CD163L1: variants seen among roughly 807,000 people sequenced by gnomAD.
CD163L1 encodes scavenger receptor cysteine-rich type 1 protein M160.
In CD163L1, 124 loss-of-function variants were observed where a neutral mutation model predicts 165.4. The observed-to-expected ratio is 0.75, with a 90% CI of 0.65 to 0.87. The LOEUF is 0.87. CD163L1 is among the 40% of genes least tolerant of loss of function. The pLI is 0.00. For synonymous variants in CD163L1, 585 were observed against 662.2 expected, an observed-to-expected ratio of 0.88 and a Z score of 1.79; for missense variants, 1,525 against 1,799.9, an observed-to-expected ratio of 0.85 and a Z score of 2.76.
Position 7,368,255 on chromosome 12 carries a change from A to G in CD163L1, c.4073-58T>C, listed in dbSNP as rs1947064143. The G allele has an allele frequency of 1.0e-6, 1 of 959,234 alleles. No individual in the cohort carries two copies. Among genetic ancestry groups the G allele is most frequent in the African/African-American group, 1.7e-5 (1 of 59,810 alleles). 59.4% of individuals were successfully genotyped at this position (959,234 alleles called of 1,614,324 possible). A position where few individuals can be genotyped will look rare whatever the true frequency, so the allele number is the denominator to read the frequency against. ...ACTAGTAGATATCAATTGTGGGTTTATACATTGTAAAAAAAACTGGTTCCC... is the reference window on the plus strand; with the variant it reads ...ACTAGTAGATATCAATTGTGGGTTTGTACATTGTAAAAAAAACTGGTTCCC... On this transcript the variant is annotated intron_variant, in intron 16 of 19. Coordinates refer to ENST00000313599, the MANE Select transcript of CD163L1 (RefSeq NM_174941.6). This position sits in a 1 kb window ranked among gnomAD's most constrained non-coding sequence, Gnocchi z 4.3.
rs770351398 is a variant in CD163L1, at chr12:7,373,501, C to G, written c.3549G>C (p.Gln1183His). The G allele has an allele frequency of 3.7e-6, 6 of 1,614,224 alleles. No homozygotes were observed. The highest frequency in any genetic ancestry group is 5.1e-6 in the Non-Finnish European group (6 of 1,180,026). Reference sequence around the variant, plus strand: ...CAACTCCATTCTCCCCACAGCCCAGCTGCCTGCACACAATGCCTGCTATGG... The same window carrying G: ...CAACTCCATTCTCCCCACAGCCCAGGTGCCTGCACACAATGCCTGCTATGG... ...TTAIAGIVCR[Q>H]LGCGENGVVS... The change falls in exon 14 of 20, where the codon CAG (glutamine) becomes CAC (histidine). Residue 1183 changes from glutamine to histidine, a missense_variant. By Grantham distance (24) the Gln-to-His change is conservative (BLOSUM62 0). Coordinates refer to ENST00000313599, the MANE Select transcript of CD163L1 (RefSeq NM_174941.6).
At chr12:7,320,588 T>C in the CD163L1 span, 6 of 648,354 alleles carry the variant, frequency 9.3e-6, no homozygotes, top group Non-Finnish European at 1.6e-5. Context: ...AAGTAATAAA[T>C]ATTGTTTTCT....
chr12:7,396,151 C>G lies in CD163L1; in HGVS notation c.1994G>C (p.Ser665Thr). Residue 665 changes from serine (S) to threonine (T), a missense_variant, in exon 8 of 20, where the codon AGT becomes ACT. Ser to Thr is a moderately conservative substitution (Grantham distance 58). Coordinates refer to ENST00000313599, the MANE Select transcript of CD163L1 (RefSeq NM_174941.6). ...DESDLWSCRN[S>T]GWGNNDCSHS... is the part of the protein sequence containing the mutation. ...ACTGCAGTCATTATTTCCCCACCCA[C>G]TGTTCCTGCATGACCAGAGATCTGA... is the stretch of plus-strand genomic sequence containing the variant. 1 of 1,614,184 alleles carries G rather than the reference C, an allele frequency of 6.2e-7. No homozygotes were observed. Among genetic ancestry groups the G allele is most frequent in the South Asian group, 1.1e-5 (1 of 91,090 alleles).
At chr12:7,355,245 C>T (rs1370919591) in intron 19 of CD163L1, 115 bp from the exon 20 acceptor site, 1 of 152,006 alleles carries the variant, frequency 6.6e-6, no homozygotes, top group Non-Finnish European at 1.5e-5. Flanking sequence ...ACACACACAA[C>T]CCACAAAGAA....
rs1947895954 is a variant in CD163L1 at position 7,400,513 on chromosome 12, AT to A, written c.1409-1930del. On this transcript the variant is annotated intron_variant, in intron 6 of 19. Coordinates refer to ENST00000313599, the MANE Select transcript of CD163L1 (RefSeq NM_174941.6). The surrounding 1 kb of genome is among the most constrained non-coding windows in gnomAD (Gnocchi z 4.1). ...ACAAATCAAACCAATTTATATTTAT[AT>A]TGTATTTTAATAGACTGGGTTTTGC... is the stretch of plus-strand genomic sequence containing the variant. Among the ~76,000 whole-genome samples the A allele has an allele frequency of 1.3e-5, 2 of 152,230 alleles. No homozygotes were observed. The highest frequency in any genetic ancestry group is 2.9e-5 in the Non-Finnish European group (2 of 68,000).
chr12:7,438,218 C>G (rs117950871), intron 2 of CD163L1, among the ~76,000 whole-genome samples: 14,436 of 151,970 alleles, frequency 0.095, 1,185 homozygotes, highest in African/African-American at 0.21. Flanking sequence ...ATTCCCAAAA[C>G]TGGAAATAAT....
intron 2 of CD163L1, chr12:7,439,226 A>C: frequency 6.3e-7 from 1 of 1,579,866 alleles, no homozygotes; most frequent in Non-Finnish European, 8.6e-7. Context: ...GGATTCGACA[A>C]ATTTTCTTTT....
At position 7,415,786 on chromosome 12, in the gene CD163L1, T is replaced by C. The variant is rs553882412; in HGVS notation, c.767-8934A>G. ...CGTTTTTTGGCTACATAGTATTCCA[T>C]GGTGTATACGTGCCACGTTTTCTTT... On this transcript the variant is annotated intron_variant, in intron 4 of 19. Coordinates refer to ENST00000313599, the MANE Select transcript of CD163L1 (RefSeq NM_174941.6). Among the ~76,000 whole-genome samples the C allele has an allele frequency of 2.2e-4, 34 of 152,314 alleles. No individual in the cohort carries two copies. In the South Asian group the frequency reaches 5.4e-3, roughly 24 times the overall value.
chr12:7,399,309 C>CT (rs977318097), intron 6 of CD163L1, among the ~76,000 whole-genome samples: 4 of 143,400 alleles, frequency 2.8e-5, no homozygotes, highest in African/African-American at 7.8e-5. Context: ...TCCTTTCTTT[C>CT]TTTTCTTTCT....
chr12:7,354,190 T>C (rs1487365959), downstream of CD163L1, among the ~76,000 whole-genome samples: 2 of 152,114 alleles, frequency 1.3e-5, no homozygotes, highest in Non-Finnish European at 2.9e-5. Flanking sequence ...TCTTTTCTAA[T>C]CACCTAGGCT....
At chr12:7,354,493 A>G (rs141654991), downstream of CD163L1, among the ~76,000 whole-genome samples, 338 of 152,286 alleles carry the variant, frequency 2.2e-3, 2 homozygotes, top group African/African-American at 7.6e-3. Context: ...TTTGAACTAC[A>G]AGAACAGCCA....
At chr12:7,321,324 C>A in the CD163L1 span, among the ~76,000 whole-genome samples, 1 of 152,170 alleles carries the variant, frequency 6.6e-6, no homozygotes, top group African/African-American at 2.4e-5. Flanking sequence ...TTTAGCCAAA[C>A]CATATGAACA....
At chr12:7,356,246 A>T (rs1946772340) in intron 19 of CD163L1, among the ~76,000 whole-genome samples, 1 of 152,144 alleles carries the variant, frequency 6.6e-6, no homozygotes, top group South Asian at 2.1e-4. Flanking sequence ...TATCAATAGC[A>T]TATAAAGAGG....
chr12:7,399,325 CTCTT>C (rs1947855870), intron 6 of CD163L1, among the ~76,000 whole-genome samples: 1 of 132,524 alleles, frequency 7.5e-6, no homozygotes, highest in Non-Finnish European at 1.7e-5. Context: ...TTTCTTCTCT[CTCTT>C]CTTTCATTCT....
chr12:7,360,366 C>T (rs1337435743), intron 18 of CD163L1, among the ~76,000 whole-genome samples: 4 of 152,166 alleles, frequency 2.6e-5, no homozygotes, highest in Non-Finnish European at 5.9e-5. Flanking sequence ...TGGTCTCAAA[C>T]ACCTGACCTC....
At chr12:7,364,356 A>T (rs1414587538) in intron 18 of CD163L1, among the ~76,000 whole-genome samples, 1 of 152,118 alleles carries the variant, frequency 6.6e-6, no homozygotes, top group Admixed American at 6.6e-5. Context: ...AAAATAGAAA[A>T]CATTTCCTGC....
chr12:7,379,148 C>G lies in CD163L1; in HGVS notation c.2201G>C (p.Gly734Ala), dbSNP rs1380931824. Residue 734 changes from glycine (G) to alanine (A), a missense_variant, in exon 9 of 20, where the codon GGG (glycine) becomes GCG (alanine). Transcript: ENST00000313599. ...AEVVCRQLEC[G>A]SAIRVSREPH... ...CTCTCTGGAGACCCTGATTGCAGAC[C>G]CACATTCAAGTTGCCTGCAAACAAC... is the stretch of plus-strand genomic sequence containing the variant. 2 of 1,613,968 alleles carry G rather than the reference C, an allele frequency of 1.2e-6. No individual in the cohort carries two copies.
At chr12:7,420,463 C>G (rs544004544) in intron 4 of CD163L1, among the ~76,000 whole-genome samples, 242 of 151,938 alleles carry the variant, frequency 1.6e-3, no homozygotes, top group African/African-American at 5.4e-3. Flanking sequence ...ACACATCCGA[C>G]AAAAGACTAA....
chr12:7,333,320 C>G, the CD163L1 span, among the ~76,000 whole-genome samples: 8 of 152,264 alleles, frequency 5.3e-5, no homozygotes, highest in South Asian at 1.7e-3. Flanking sequence ...CAAACTAGAA[C>G]TCAGGATTAA....
Sources: allele counts gnomAD v4.1 joint callset (sites outside exome capture counted in the v4.1 genomes callset), GRCh38; gene constraint gnomAD v4.1.1; non-coding constraint Gnocchi (gnomAD v3.1); transcripts MANE v1.5; gene names NCBI Gene and HGNC (gene_info 2026-07-23, HGNC 2026-07-21).